Variants in BCAS4 observed in about 807,000 individuals in gnomAD.
BCAS4 encodes the protein breast carcinoma-amplified sequence 4.
A neutral mutation model predicts 15.7 loss-of-function variants in BCAS4; 9 were observed. The ratio of observed to expected loss-of-function variants is 0.57; its 90% CI spans 0.34 to 1.00. The LOEUF (loss-of-function observed/expected upper bound fraction) is 1.00. Among genes scored for constraint, BCAS4 ranks in the 50% least tolerant of loss-of-function variants. The pLI is 0.02. For missense variants in BCAS4, 225 were observed against 239.1 expected (o/e 0.94, Z 0.39); for synonymous variants, 101 against 99.5 (o/e 1.02, Z -0.09).
chr20:50,875,764 A>AGAGC (rs1979902026), intron 4 of BCAS4, among the ~76,000 whole-genome samples: 2 of 151,610 alleles, frequency 1.3e-5, no homozygotes, highest in South Asian at 4.2e-4. Context: ...GCTGGGTGAC[A>AGAGC]GAGCGAGACT....
rs145228408 is a variant in BCAS4 at position 50,849,731 on chromosome 20, A to G, written c.399+7831A>G. 1.8e-4 allele frequency among the ~76,000 whole-genome samples: 28 copies of G among 152,320 alleles called. No individual in the cohort carries two copies. The East Asian group carries it at 5.2e-3, about 28-fold the overall frequency. ...ACCAGGTTTTCCTATATGGGGGAGA[A>G]AGCTGGACATTTGGAGGGTTTTTTG... On this transcript the variant is annotated intron_variant, in intron 4 of 4. Coordinates refer to ENST00000371608, the MANE Select transcript of BCAS4 (RefSeq NM_198799.4).
intron 2 of BCAS4, among the ~76,000 whole-genome samples, chr20:50,828,966 AC>A (rs1416734563): frequency 6.6e-6 from 1 of 152,184 alleles, no homozygotes; most frequent in East Asian, 1.9e-4. Context: ...ATCGTCTTGC[AC>A]CACTGTCCCA....
intron 1 of BCAS4, among the ~76,000 whole-genome samples, chr20:50,810,688 T>C (rs2088050588): frequency 6.6e-6 from 1 of 151,812 alleles, no homozygotes; most frequent in African/African-American, 2.4e-5. Context: ...CTTCCTGGGT[T>C]CACGCCGTTT....
At chr20:50,848,585 G>A (rs767249608) in intron 4 of BCAS4, among the ~76,000 whole-genome samples, 2 of 152,212 alleles carry the variant, frequency 1.3e-5, no homozygotes, top group Non-Finnish European at 2.9e-5. Context: ...TTCTAAGGGC[G>A]ATTCTTGTAG....
At chr20:50,858,780 C>T (rs1433009932) in intron 4 of BCAS4, among the ~76,000 whole-genome samples, 2 of 132,308 alleles carry the variant, frequency 1.5e-5, no homozygotes, top group African/African-American at 6.0e-5. Flanking sequence ...GGCTGGAATG[C>T]AGTGACACAG....
intron 1 of BCAS4, among the ~76,000 whole-genome samples, chr20:50,810,780 C>T (rs986721631): frequency 6.6e-5 from 10 of 151,790 alleles, no homozygotes; most frequent in Non-Finnish European, 1.2e-4. Context: ...TTAGTAGAGA[C>T]GGGGTTTCAC....
intron 1 of BCAS4, among the ~76,000 whole-genome samples, chr20:50,803,052 G>A (rs1361530297): frequency 6.6e-6 from 1 of 152,148 alleles, no homozygotes; most frequent in African/African-American, 2.4e-5. Context: ...GTGGCGGTAT[G>A]CACCTACAGT....
intron 3 of BCAS4, among the ~76,000 whole-genome samples, chr20:50,833,519 CA>C (rs2088369324): frequency 6.6e-6 from 1 of 152,214 alleles, no homozygotes; most frequent in Admixed American, 6.5e-5. Flanking sequence ...CCTCCAACCC[CA>C]CTCCCCAGCG....
chr20:50,844,048 G>C (rs1455940717), intron 4 of BCAS4, among the ~76,000 whole-genome samples: 2 of 152,168 alleles, frequency 1.3e-5, no homozygotes, highest in African/African-American at 4.8e-5. Context: ...GGAGGCTGAG[G>C]TGGGTGGATC....
intron 3 of BCAS4, among the ~76,000 whole-genome samples, chr20:50,830,884 A>G (rs910268705): frequency 2.0e-5 from 3 of 152,096 alleles, no homozygotes; most frequent in Admixed American, 2.0e-4. Context: ...CCAACATTTA[A>G]AAATCAGGGT....
chr20:50,860,297 A>G (rs8115258), intron 4 of BCAS4, among the ~76,000 whole-genome samples: 1,639 of 152,248 alleles, frequency 0.011, 26 homozygotes, highest in African/African-American at 0.038. Context: ...TGCATATGGC[A>G]TAAGTCCTGT....
intron 4 of BCAS4, among the ~76,000 whole-genome samples, chr20:50,860,614 G>A (rs945644403): frequency 3.9e-5 from 6 of 152,180 alleles, no homozygotes; most frequent in African/African-American, 1.4e-4. Context: ...GGTGGCTCAC[G>A]CCTATAATCC....
At position 50,876,137 on chromosome 20, in the gene BCAS4, G is replaced by A. The variant is rs908247065; in HGVS notation, c.400-349G>A. 2.5e-5 allele frequency: 10 copies of A among 400,088 alleles called. 1 individual carries two copies. The highest frequency in any genetic ancestry group is 3.9e-5 in the Non-Finnish European group (8 of 203,192). The allele number at this position is 400,088 out of a possible 1,614,324, so 24.8% of individuals were successfully genotyped here. On this transcript the variant is annotated intron_variant, in intron 4 of 4. Coordinates refer to ENST00000371608, the MANE Select transcript of BCAS4 (RefSeq NM_198799.4). ...GGCTAATTTCTGTATTTTTAGTAGA[G>A]ACAGGCTTTGACTGTGTTGGCCAGG...
At chr20:50,836,895 G>C (rs2088416483) in intron 3 of BCAS4, among the ~76,000 whole-genome samples, 1 of 152,066 alleles carries the variant, frequency 6.6e-6, no homozygotes, top group African/African-American at 2.4e-5. Context: ...TTTCTGTAGA[G>C]ATGGAATTTT....
intron 2 of BCAS4, among the ~76,000 whole-genome samples, chr20:50,825,634 T>C (rs1474962349): frequency 6.6e-6 from 1 of 152,210 alleles, no homozygotes; most frequent in Non-Finnish European, 1.5e-5. Flanking sequence ...TCCAGCACTT[T>C]GGGAAGCCAA....
chr20:50,836,517 A>G (rs1254528669), intron 3 of BCAS4, among the ~76,000 whole-genome samples: 1 of 152,196 alleles, frequency 6.6e-6, no homozygotes, highest in East Asian at 1.9e-4. Flanking sequence ...GTTGTCCACA[A>G]GGCTGAGAGA....
At chr20:50,842,982 G>A (rs1450446286) in intron 4 of BCAS4, among the ~76,000 whole-genome samples, 3 of 151,992 alleles carry the variant, frequency 2.0e-5, no homozygotes, top group African/African-American at 7.2e-5. Context: ...TTGTTTTTGA[G>A]ATAGGATCTC....
chr20:50,841,059 A>G (rs2088474551), intron 3 of BCAS4: 1 of 339,580 alleles, frequency 2.9e-6, no homozygotes, highest in South Asian at 2.5e-5. Context: ...TGAACTCCTG[A>G]CCTCAGGTGA....
chr20:50,861,021 T>C (rs995999480), intron 4 of BCAS4, among the ~76,000 whole-genome samples: 4 of 146,978 alleles, frequency 2.7e-5, no homozygotes, highest in African/African-American at 7.5e-5. Context: ...AAAGTCTGGA[T>C]ACGTTTGCAG....
Sources: allele counts gnomAD v4.1 joint callset (sites outside exome capture counted in the v4.1 genomes callset), GRCh38; gene constraint gnomAD v4.1.1; transcripts MANE v1.5; gene names NCBI Gene and HGNC (gene_info 2026-07-23, HGNC 2026-07-21).